The following DLG2 variants were observed in gnomAD, a reference collection of about 807,000 sequenced individuals.
The protein encoded by DLG2 is discs large MAGUK scaffold protein 2.
In DLG2, 45 loss-of-function variants were observed where a neutral mutation model predicts 132.5. The ratio of observed to expected loss-of-function variants is 0.34; its 90% CI spans 0.27 to 0.44. DLG2 has a LOEUF of 0.44. DLG2 is among the 20% of genes least tolerant of loss of function. The probability of loss-of-function intolerance (pLI) is 1.00; values close to 1 mark genes in which losing one functional copy is unlikely to be tolerated. For missense variants in DLG2, 1,045 were observed against 1,196.9 expected (o/e 0.87, Z 1.87); for synonymous variants, 424 against 419.6 (o/e 1.01, Z -0.13).
At chr11:85,075,142 A>G (rs1019044283) in intron 6 of DLG2, among the ~76,000 whole-genome samples, 1 of 151,936 alleles carries the variant, frequency 6.6e-6, no homozygotes, top group African/African-American at 2.4e-5. Context: ...ACCGGTACAA[A>G]TTAAAAACTT....
intron 3 of DLG2, among the ~76,000 whole-genome samples, chr11:85,501,411 A>T (rs2093799972): frequency 6.6e-6 from 1 of 152,052 alleles, no homozygotes; most frequent in African/African-American, 2.4e-5. Flanking sequence ...AAGCCAAACT[A>T]GACAAATGGG....
intron 3 of DLG2, among the ~76,000 whole-genome samples, chr11:85,504,627 A>G (rs187801656): frequency 1.8e-4 from 28 of 152,290 alleles, no homozygotes; most frequent in Non-Finnish European, 3.7e-4. Flanking sequence ...CTTGTAGTAT[A>G]GTTTGAAGTC....
intron 7 of DLG2, among the ~76,000 whole-genome samples, chr11:84,456,440 T>C (rs1054780607): frequency 6.6e-6 from 1 of 151,324 alleles, no homozygotes; most frequent in Non-Finnish European, 1.5e-5. Context: ...TTGTGCTAAG[T>C]GCTTTACAGG....
At chr11:84,642,939 G>A (rs2099669730) in intron 6 of DLG2, among the ~76,000 whole-genome samples, 1 of 152,122 alleles carries the variant, frequency 6.6e-6, no homozygotes, top group South Asian at 2.1e-4. Context: ...ATAAAAAAGA[G>A]TCCTTAAAAT....
Position 83,857,280 on chromosome 11 carries a change from T to C in DLG2, c.1565+17140A>G, listed in dbSNP as rs575392994. On this transcript the variant is annotated intron_variant, in intron 16 of 27. Transcript: ENST00000376104. Reference sequence around the variant, plus strand: ...TCTCCAGCTTTGTTCCTTTTGCTTATGATTGTTTTGGTTATTAAGGATCCT... The same window carrying C: ...TCTCCAGCTTTGTTCCTTTTGCTTACGATTGTTTTGGTTATTAAGGATCCT... Among the ~76,000 whole-genome samples, 5 of 152,274 alleles carry C rather than the reference T, an allele frequency of 3.3e-5. 1 individual carries two copies. The South Asian group carries it at 1.0e-3, about 32-fold the overall frequency.
chr11:84,855,935 A>G (rs891017753), intron 6 of DLG2, among the ~76,000 whole-genome samples: 7 of 152,050 alleles, frequency 4.6e-5, no homozygotes, highest in Non-Finnish European at 8.8e-5. Context: ...GTTGGAACAG[A>G]GGCTAGCGAT....
intron 4 of DLG2, among the ~76,000 whole-genome samples, chr11:85,215,251 T>C (rs1326721567): frequency 6.6e-6 from 1 of 152,200 alleles, no homozygotes; most frequent in Non-Finnish European, 1.5e-5. Flanking sequence ...ACAGACCAGT[T>C]CAGTTTTTTA....
intron 8 of DLG2, among the ~76,000 whole-genome samples, chr11:84,184,875 G>A (rs1209835359): frequency 1.3e-5 from 2 of 152,068 alleles, no homozygotes; most frequent in East Asian, 1.9e-4. Context: ...AAGATCAGAT[G>A]GTTGTAGATA....
At chr11:84,896,199 C>A (rs2090164272) in intron 6 of DLG2, among the ~76,000 whole-genome samples, 1 of 152,020 alleles carries the variant, frequency 6.6e-6, no homozygotes, top group South Asian at 2.1e-4. Context: ...AAAATATGAT[C>A]TTTAATATAT....
intron 6 of DLG2, among the ~76,000 whole-genome samples, chr11:84,623,811 C>T (rs1198388540): frequency 6.6e-6 from 1 of 152,214 alleles, no homozygotes; most frequent in Admixed American, 6.5e-5. Context: ...ATACATACGT[C>T]CTTCCCACCA....
chr11:84,522,181 CAA>C (rs1257824594), intron 7 of DLG2, among the ~76,000 whole-genome samples: 8 of 92,962 alleles, frequency 8.6e-5, no homozygotes, highest in Admixed American at 1.1e-4. Flanking sequence ...AACGAACAAA[CAA>C]AAAAAAAAAA....
chr11:84,014,231 G>T (rs1013992499), intron 11 of DLG2, among the ~76,000 whole-genome samples: 1 of 152,092 alleles, frequency 6.6e-6, no homozygotes, highest in African/African-American at 2.4e-5. Flanking sequence ...TCTATAAAAT[G>T]TAAGGTGAAT....
intron 6 of DLG2, among the ~76,000 whole-genome samples, chr11:84,742,375 A>G (rs2064797706): frequency 6.6e-6 from 1 of 152,236 alleles, no homozygotes; most frequent in South Asian, 2.1e-4. Context: ...TTTAAAGACA[A>G]AGGAAGAATT....
At chr11:83,728,315 GACACCTTC>G (rs1160664349) in intron 18 of DLG2, among the ~76,000 whole-genome samples, 1 of 152,176 alleles carries the variant, frequency 6.6e-6, no homozygotes, top group African/African-American at 2.4e-5. Context: ...TAAAGCACAT[GACACCTTC>G]ACAATTTTGC....
intron 15 of DLG2, among the ~76,000 whole-genome samples, chr11:83,907,557 T>C (rs1326435684): frequency 3.3e-5 from 5 of 152,194 alleles, no homozygotes; most frequent in South Asian, 2.1e-4. Flanking sequence ...AACAGCATAA[T>C]AGGATGGGAA....
intron 16 of DLG2, among the ~76,000 whole-genome samples, chr11:83,846,704 A>T (rs535432496): frequency 4.6e-5 from 7 of 152,290 alleles, no homozygotes; most frequent in Non-Finnish European, 1.0e-4. Context: ...TCAATCAGAC[A>T]AATTAAAAAA....
intron 16 of DLG2, among the ~76,000 whole-genome samples, chr11:83,860,208 T>C (rs911585409): frequency 1.3e-5 from 2 of 152,086 alleles, no homozygotes; most frequent in South Asian, 2.1e-4. Context: ...TGAGAAGAGA[T>C]TGCTATCCTC....
intron 7 of DLG2, among the ~76,000 whole-genome samples, chr11:84,297,084 T>C (rs1263972691): frequency 2.6e-5 from 4 of 151,482 alleles, no homozygotes; most frequent in African/African-American, 7.3e-5. Flanking sequence ...TATAATTGAC[T>C]TCATAAGATC....
Position 83,984,056 on chromosome 11 carries a change from CAAG to C in DLG2, c.920-3417_920-3415del, listed in dbSNP as rs564733093. Among the ~76,000 whole-genome samples, 42 of 152,088 alleles carry C rather than the reference CAAG, an allele frequency of 2.8e-4. 1 individual carries two copies. The East Asian group carries it at 7.6e-3, about 27-fold the overall frequency. On this transcript the variant is annotated intron_variant, in intron 11 of 27. Coordinates refer to ENST00000376104, the MANE Select transcript of DLG2 (RefSeq NM_001142699.3). The stretch of plus-strand genomic sequence containing the variant: ...GCAGTAAATGCCACGGTCTTAGCTA[CAAG>C]AAGAGCTGTAGAAATAAATTACCAC...
Sources: gnomAD v4.1 joint callset for allele counts (sites outside exome capture counted in the v4.1 genomes callset) on GRCh38, gnomAD v4.1.1 for gene constraint, MANE v1.5 for transcripts, NCBI Gene and HGNC (gene_info 2026-07-23, HGNC 2026-07-21) for gene names.